The following PEX3 variants were observed in gnomAD, a reference collection of about 807,000 sequenced individuals.
PEX3 encodes peroxisomal biogenesis factor 3.
PEX3 carries 30 observed loss-of-function variants against 55.8 expected under a neutral mutation model. That is an observed-to-expected ratio of 0.54 (90% CI 0.40 to 0.73). The LOEUF is 0.73. Among genes scored for constraint, PEX3 ranks in the 30% least tolerant of loss-of-function variants. PEX3 has a pLI of 0.00. For synonymous variants in PEX3, 135 were observed against 148.4 expected (o/e 0.91, Z 0.66); for missense variants, 351 against 432.8 (o/e 0.81, Z 1.68).
At chr6:143,452,823 A>T (rs1281940157) in intron 1 of PEX3, among the ~76,000 whole-genome samples, 1 of 152,220 alleles carries the variant, frequency 6.6e-6, no homozygotes, top group Non-Finnish European at 1.5e-5. Context: ...AATACCTATC[A>T]AGTGCCTGTA....
Position 143,486,849 on chromosome 6 carries a change from T to C in PEX3, c.1038+1601T>C, listed in dbSNP as rs913174865. Among the ~76,000 whole-genome samples the C allele has an allele frequency of 6.6e-6, 1 of 152,184 alleles. No homozygotes were observed. Among genetic ancestry groups the C allele is most frequent in the Admixed American group, 6.5e-5 (1 of 15,270 alleles). ...CAGATAGTACATACTTTAGGCTTAATGCAACATACATTCTCTACAGAAACT... is the reference window on the plus strand; with the variant it reads ...CAGATAGTACATACTTTAGGCTTAACGCAACATACATTCTCTACAGAAACT... On this transcript the variant is annotated intron_variant, in intron 11 of 11. Coordinates refer to ENST00000367591, the MANE Select transcript of PEX3 (RefSeq NM_003630.3). This position sits in a 1 kb window ranked among gnomAD's most constrained non-coding sequence, Gnocchi z 5.0.
At chr6:143,480,307 C>T (rs1281755700) in intron 10 of PEX3, among the ~76,000 whole-genome samples, 4 of 152,166 alleles carry the variant, frequency 2.6e-5, no homozygotes, top group Middle Eastern at 3.4e-3. Context: ...GCAAGATATT[C>T]GTTATTTTGC....
At position 143,483,404 on chromosome 6, in the gene PEX3, A is replaced by G. The variant is rs911903586; in HGVS notation, c.942-1748A>G. Among the ~76,000 whole-genome samples, 2 of 152,350 alleles carry G rather than the reference A, an allele frequency of 1.3e-5. No individual in the cohort carries two copies. The highest frequency in any genetic ancestry group is 2.4e-5 in the African/African-American group (1 of 41,584). On this transcript the variant is annotated intron_variant, in intron 10 of 11. Transcript: ENST00000367591. This position sits in a 1 kb window ranked among gnomAD's most constrained non-coding sequence, Gnocchi z 4.3. The stretch of plus-strand genomic sequence containing the variant: ...TTTTCCTGAGGAAATAATTTGAACT[A>G]CTAAGATTGGAAGCTATTAAATATG...
Position 143,458,983 on chromosome 6 carries a change from C to T in PEX3, c.74-102C>T. ...TTAGGTTTTAAAAATGTAATTTTAG[C>T]TATCCACTAATATAAAACTTATAAT... is the stretch of plus-strand genomic sequence containing the variant. On this transcript the variant is annotated intron_variant, in intron 1 of 11. Coordinates refer to ENST00000367591, the MANE Select transcript of PEX3 (RefSeq NM_003630.3). The surrounding 1 kb of genome is among the most constrained non-coding windows in gnomAD (Gnocchi z 6.1). 1 of 735,674 alleles carries T rather than the reference C, an allele frequency of 1.4e-6. No individual in the cohort carries two copies. Among genetic ancestry groups the T allele is most frequent in the South Asian group, 1.7e-5 (1 of 60,126 alleles). 45.6% of individuals were successfully genotyped at this position (735,674 alleles called of 1,614,324 possible).
chr6:143,480,006 AT>A (rs1446553869), intron 10 of PEX3, among the ~76,000 whole-genome samples: 2 of 152,092 alleles, frequency 1.3e-5, no homozygotes, highest in Non-Finnish European at 2.9e-5. Context: ...GATAGGCAAT[AT>A]GTATGTGCAA....
intron 1 of PEX3, among the ~76,000 whole-genome samples, chr6:143,456,558 CAG>C (rs945461251): frequency 1.3e-5 from 2 of 152,188 alleles, no homozygotes; most frequent in African/African-American, 4.8e-5. Flanking sequence ...GTTCCTTCTG[CAG>C]AGTGTAAGGG....
At position 143,468,182 on chromosome 6, in the gene PEX3, T is replaced by G; in HGVS notation, c.331+17T>G. ...AGATAATAAGTAAGCCTGCATATTC[T>G]GTGTGACAGCACATCCTTAAAATAT... On this transcript the variant is annotated intron_variant, in intron 4 of 11. Coordinates refer to ENST00000367591, the MANE Select transcript of PEX3 (RefSeq NM_003630.3). 6.5e-7 allele frequency: 1 copy of G among 1,548,454 alleles called. No homozygotes were observed. The highest frequency in any genetic ancestry group is 1.1e-5 in the South Asian group (1 of 89,014).
In PEX3 at chr6:143,471,436, C is replaced by A. The variant is rs866136282; in HGVS notation, c.510C>A (p.His170Gln). 10 of 1,601,970 alleles carry A rather than the reference C, an allele frequency of 6.2e-6. No individual in the cohort carries two copies. The highest frequency in any genetic ancestry group is 8.6e-6 in the Non-Finnish European group (10 of 1,169,566). Residue 170 changes from histidine to glutamine, a missense_variant, in exon 6 of 12, where the codon CAC becomes CAA. By Grantham distance (24) the His-to-Gln change is conservative. Coordinates refer to ENST00000367591, the MANE Select transcript of PEX3 (RefSeq NM_003630.3). This position sits in a 1 kb window ranked among gnomAD's most constrained non-coding sequence, Gnocchi z 5.4. ...AGCAGTATTTATCAAGTATTCAGCA[C>A]CTACTTGGAGATGGTAAGATTCTTA... The part of the protein sequence containing the change: ...VQQQYLSSIQ[H>Q]LLGDGLTELI...
chr6:143,476,697 A>G lies in PEX3; in HGVS notation c.818+1841A>G, dbSNP rs1032342379. ...AGGTATTGGGGCTGAGCATTTGAGG[A>G]AATAGGAACTGCCATTTACATTTTG... On this transcript the variant is annotated intron_variant, in intron 9 of 11. Coordinates refer to ENST00000367591, the MANE Select transcript of PEX3 (RefSeq NM_003630.3). This position sits in a 1 kb window ranked among gnomAD's most constrained non-coding sequence, Gnocchi z 5.4. Among the ~76,000 whole-genome samples, 2 of 152,340 alleles carry G rather than the reference A, an allele frequency of 1.3e-5. No individual in the cohort carries two copies. Among genetic ancestry groups the G allele is most frequent in the Admixed American group, 6.5e-5 (1 of 15,304 alleles).
At chr6:143,469,126 C>T (rs1057075442) in intron 4 of PEX3, among the ~76,000 whole-genome samples, 1 of 152,246 alleles carries the variant, frequency 6.6e-6, no homozygotes, top group African/African-American at 2.4e-5. Flanking sequence ...AATAGTGCTG[C>T]AATAAACATA....
Position 143,459,161 on chromosome 6 carries a change from C to T in PEX3, c.150C>T (p.Ala50=). 1 of 1,611,722 alleles carries T rather than the reference C, an allele frequency of 6.2e-7. No homozygotes were observed. ...AAAGGGAGGCTGCAGAATACATTGC[C>T]CAAGCACGACGACAATATCATTTTG... The part of the protein sequence containing the change: ...IQEREAAEYI[A]QARRQYHFES... Residue 50 remains alanine, a synonymous_variant, in exon 2 of 12, where the codon GCC becomes GCT. Coordinates refer to ENST00000367591, the MANE Select transcript of PEX3 (RefSeq NM_003630.3). The surrounding 1 kb of genome is among the most constrained non-coding windows in gnomAD (Gnocchi z 4.2).
chr6:143,465,682 C>A lies in PEX3; in HGVS notation c.288-2440C>A, dbSNP rs757525259. On this transcript the variant is annotated intron_variant, in intron 3 of 11. Coordinates refer to ENST00000367591, the MANE Select transcript of PEX3 (RefSeq NM_003630.3). The surrounding 1 kb of genome is among the most constrained non-coding windows in gnomAD (Gnocchi z 4.7). Reference sequence around the variant, plus strand: ...ATTGTGGTTGATTCCCAGTTTAATCCGAATACATATGACATTCTGCCGTGA... The same window carrying A: ...ATTGTGGTTGATTCCCAGTTTAATCAGAATACATATGACATTCTGCCGTGA... 6.6e-6 allele frequency among the ~76,000 whole-genome samples: 1 copy of A among 151,908 alleles called. No homozygotes were observed. The highest frequency in any genetic ancestry group is 1.5e-5 in the Non-Finnish European group (1 of 67,906).
Position 143,463,656 on chromosome 6 carries a change from A to G in PEX3, c.287+659A>G, listed in dbSNP as rs1264518057. Among the ~76,000 whole-genome samples, 3 of 152,162 alleles carry G rather than the reference A, an allele frequency of 2.0e-5. No individual in the cohort carries two copies. The highest frequency in any genetic ancestry group is 3.8e-4 in the East Asian group (2 of 5,204). On this transcript the variant is annotated intron_variant, in intron 3 of 11. Coordinates refer to ENST00000367591, the MANE Select transcript of PEX3 (RefSeq NM_003630.3). This position sits in a 1 kb window ranked among gnomAD's most constrained non-coding sequence, Gnocchi z 5.7. ...ACAATGATGGGAGGGTGGGCAGGGA[A>G]ATGGTTTCACTAAATAAATGTTAAT...
rs1359549586 is a variant in PEX3, at chr6:143,451,628, T to C, written c.73+513T>C. Reference sequence around the variant, plus strand: ...AAAGGACTGAAAGATATGGATTAGATAAAGAAAAACAAATCAATATTTTAG... The same window carrying C: ...AAAGGACTGAAAGATATGGATTAGACAAAGAAAAACAAATCAATATTTTAG... On this transcript the variant is annotated intron_variant, in intron 1 of 11. Coordinates refer to ENST00000367591, the MANE Select transcript of PEX3 (RefSeq NM_003630.3). The surrounding 1 kb of genome is among the most constrained non-coding windows in gnomAD (Gnocchi z 4.1). 6.6e-6 allele frequency among the ~76,000 whole-genome samples: 1 copy of C among 152,186 alleles called. No homozygotes were observed. The highest frequency in any genetic ancestry group is 1.5e-5 in the Non-Finnish European group (1 of 68,040).
At position 143,483,064 on chromosome 6, in the gene PEX3, T is replaced by C. The variant is rs923852991; in HGVS notation, c.942-2088T>C. Among the ~76,000 whole-genome samples the C allele has an allele frequency of 1.3e-4, 20 of 152,254 alleles. No individual in the cohort carries two copies. Among genetic ancestry groups the C allele is most frequent in the African/African-American group, 4.6e-4 (19 of 41,568 alleles). ...TATATCATCCATGAGTGTAATGACA[T>C]TATATACAGAACTTTTGCACATCAG... On this transcript the variant is annotated intron_variant, in intron 10 of 11. Transcript: ENST00000367591. This position sits in a 1 kb window ranked among gnomAD's most constrained non-coding sequence, Gnocchi z 4.3.
chr6:143,484,986 T>C, intron 10 of PEX3, 166 bp from the exon 11 acceptor site: 7 of 599,088 alleles, frequency 1.2e-5, no homozygotes, highest in Non-Finnish European at 2.1e-5. Context: ...GGTCATGATG[T>C]CAATTAGAGT....
chr6:143,477,354 C>A (rs1780168094), intron 9 of PEX3, among the ~76,000 whole-genome samples: 1 of 152,146 alleles, frequency 6.6e-6, no homozygotes, highest in Non-Finnish European at 1.5e-5. Context: ...GTATCTTCAG[C>A]TCTTAGAACA....
chr6:143,481,495 A>G (rs540763590), intron 10 of PEX3, among the ~76,000 whole-genome samples: 4 of 152,212 alleles, frequency 2.6e-5, no homozygotes, highest in African/African-American at 7.2e-5. Flanking sequence ...TATCTGAGAT[A>G]GAAATTTTTC....
At position 143,450,879 on chromosome 6, in the gene PEX3, G is replaced by C. The variant is rs563982781; in HGVS notation, c.-164G>C. 1.9e-5 allele frequency: 15 copies of C among 794,636 alleles called. No homozygotes were observed. The highest frequency in any genetic ancestry group is 7.1e-5 in the Admixed American group (4 of 56,432). 49.2% of individuals were successfully genotyped at this position (794,636 alleles called of 1,614,324 possible). On this transcript the variant is annotated 5_prime_UTR_variant, in exon 1 of 12. Coordinates refer to ENST00000367591, the MANE Select transcript of PEX3 (RefSeq NM_003630.3). Reference sequence around the variant, plus strand: ...TTGCTGTAGTCCACGCCCCCTTGCCGCTCCGGTGACAGTCTCTGCGGAAAG... The same window carrying C: ...TTGCTGTAGTCCACGCCCCCTTGCCCCTCCGGTGACAGTCTCTGCGGAAAG...
Sources: gnomAD v4.1 joint callset for allele counts (sites outside exome capture counted in the v4.1 genomes callset) on GRCh38, gnomAD v4.1.1 for gene constraint, Gnocchi (gnomAD v3.1) non-coding constraint, MANE v1.5 for transcripts, NCBI Gene and HGNC (gene_info 2026-07-23, HGNC 2026-07-21) for gene names.